KIF2A: variants seen among roughly 807,000 people sequenced by gnomAD.
KIF2A encodes the protein kinesin family member 2A, also known as kinesin-like protein KIF2A.
A neutral mutation model predicts 100.2 loss-of-function variants in KIF2A; 22 were observed. That is an observed-to-expected ratio of 0.22 (90% confidence interval 0.16 to 0.31). The LOEUF (loss-of-function observed/expected upper bound fraction) is 0.31. Ranked by LOEUF, KIF2A falls within the 10% of genes least tolerant of loss-of-function variation. The probability of loss-of-function intolerance (pLI) is 1.00; values close to 1 mark genes in which losing one functional copy is unlikely to be tolerated. For synonymous variants in KIF2A, 268 were observed against 285.9 expected, an observed-to-expected ratio of 0.94 and a Z score of 0.63; for missense variants, 495 against 898.7, an observed-to-expected ratio of 0.55 and a Z score of 5.74.
At chr5:62,375,815 A>G (rs1439595679) in intron 18 of KIF2A, among the ~76,000 whole-genome samples, 3 of 152,242 alleles carry the variant, frequency 2.0e-5, no homozygotes, top group African/African-American at 7.2e-5. Flanking sequence ...GGGTAGAGCC[A>G]GGAATGCTGC....
rs1032321691 is a variant in KIF2A, at chr5:62,310,274, G to A, written c.64+3738G>A. Among the ~76,000 whole-genome samples, 75 of 151,820 alleles carry A rather than the reference G, an allele frequency of 4.9e-4. 1 individual carries two copies. The highest frequency in any genetic ancestry group is 1.7e-3 in the African/African-American group (71 of 41,378). On this transcript the variant is annotated intron_variant, in intron 1 of 20. Coordinates refer to ENST00000407818, the MANE Select transcript of KIF2A (RefSeq NM_001098511.3). ...TTGCCACGTTGGCCAGGCTGGTCTCGAACTCCTGGCCTCAAGTGATCCACC... is the reference window on the plus strand; with the variant it reads ...TTGCCACGTTGGCCAGGCTGGTCTCAAACTCCTGGCCTCAAGTGATCCACC...
chr5:62,381,354 A>G (rs913790335), intron 20 of KIF2A, 101 bp downstream of exon 20: 5 of 902,356 alleles, frequency 5.5e-6, no homozygotes, highest in Non-Finnish European at 8.6e-6. Context: ...CGAAGTGAAA[A>G]TTAGGGGCAC....
At position 62,363,734 on chromosome 5, in the gene KIF2A, G is replaced by T. The variant is rs1359776180; in HGVS notation, c.1302G>T (p.Arg434=). ...CATCTGCAAATGCACATTCATCTCG[G>T]AGCCATGCAGTGTTTCAGATTATTC... ...GQTSANAHSS[R]SHAVFQIILR... Residue 434 remains arginine (R), a synonymous_variant, in exon 14 of 21, where the codon CGG becomes CGT. Coordinates refer to ENST00000407818, the MANE Select transcript of KIF2A (RefSeq NM_001098511.3). 6.2e-7 allele frequency: 1 copy of T among 1,613,798 alleles called. No individual in the cohort carries two copies. Among genetic ancestry groups the T allele is most frequent in the Non-Finnish European group, 8.5e-7 (1 of 1,179,824 alleles).
intron 7 of KIF2A, among the ~76,000 whole-genome samples, chr5:62,356,829 A>T (rs1265737101): frequency 6.9e-6 from 1 of 144,824 alleles, no homozygotes; most frequent in Non-Finnish European, 1.5e-5. Flanking sequence ...TCTGTTGCCC[A>T]GGCTGAGGTG....
At chr5:62,347,802 T>C (rs143466487) in intron 2 of KIF2A, among the ~76,000 whole-genome samples, 139 of 152,118 alleles carry the variant, frequency 9.1e-4, no homozygotes, top group African/African-American at 3.1e-3. Context: ...TTTTGTATTT[T>C]TTGTAGAGAT....
chr5:62,307,925 C>T (rs1280708917), intron 1 of KIF2A, among the ~76,000 whole-genome samples: 2 of 152,110 alleles, frequency 1.3e-5, no homozygotes, highest in Non-Finnish European at 2.9e-5. Context: ...GCCTCGATTC[C>T]TTTTATGAGT....
intron 1 of KIF2A, among the ~76,000 whole-genome samples, chr5:62,331,762 G>GAAA (rs11418837): frequency 1.5e-4 from 22 of 142,626 alleles, no homozygotes; most frequent in Non-Finnish European, 2.0e-4. Context: ...AAATAGAAAC[G>GAAA]AAAAAAAAAA....
intron 1 of KIF2A, among the ~76,000 whole-genome samples, chr5:62,343,157 A>G (rs895297817): frequency 2.0e-5 from 3 of 152,154 alleles, no homozygotes; most frequent in African/African-American, 7.2e-5. Context: ...GAGGACTCCA[A>G]ATGACACATA....
intron 1 of KIF2A, among the ~76,000 whole-genome samples, chr5:62,314,825 C>T (rs1224286737): frequency 2.1e-5 from 3 of 140,182 alleles, no homozygotes; most frequent in Non-Finnish European, 4.6e-5. Context: ...TGCAGTGGCA[C>T]GATCTTGGCT....
rs573905196 is a variant in KIF2A, at chr5:62,341,823, C to G, written c.65-5307C>G. Among the ~76,000 whole-genome samples the G allele has an allele frequency of 1.4e-4, 21 of 152,208 alleles. No homozygotes were observed. In the South Asian group the frequency reaches 3.5e-3, roughly 26 times the overall value. On this transcript the variant is annotated intron_variant, in intron 1 of 20. Transcript: ENST00000407818. ...ATAAGAATGGTTGTGTTGGTCTTGC[C>G]TTTTGGAATATCCACATATTTTTCC...
chr5:62,374,795 C>T (rs1237994761), intron 18 of KIF2A, among the ~76,000 whole-genome samples: 2 of 152,120 alleles, frequency 1.3e-5, no homozygotes, highest in Non-Finnish European at 2.9e-5. Flanking sequence ...AGCATGGTGG[C>T]ACACGCCTGT....
chr5:62,364,479 G>T (rs74288901), intron 14 of KIF2A, among the ~76,000 whole-genome samples: 8,506 of 152,154 alleles, frequency 0.056, 323 homozygotes, highest in East Asian at 0.14. Context: ...TTTCTAGGAG[G>T]AGGGCAACGA....
At position 62,389,453 on chromosome 5, in the gene KIF2A, T is replaced by C. The variant is rs1020840863; in HGVS notation, c.*3884T>C. ...GTGAGCTGAGATTGTGCCACTGGAG[T>C]CCAGCCTGGGTGACAGAGCAAGACT... is the stretch of plus-strand genomic sequence containing the variant. On this transcript the variant is annotated 3_prime_UTR_variant, in exon 21 of 21. Coordinates refer to ENST00000407818, the MANE Select transcript of KIF2A (RefSeq NM_001098511.3). 1.6e-5 allele frequency among the ~76,000 whole-genome samples: 2 copies of C among 126,832 alleles called. No homozygotes were observed. Among genetic ancestry groups the C allele is most frequent in the Non-Finnish European group, 3.1e-5 (2 of 64,022 alleles). The allele number at this position is 126,832 out of a possible 152,430, so 83.2% of individuals were successfully genotyped here. A position where few individuals can be genotyped will look rare whatever the true frequency, so the allele number is the denominator to read the frequency against.
intron 12 of KIF2A, 48 bp from the exon 13 acceptor site, chr5:62,363,130 T>C (rs779189892): frequency 5.0e-5 from 75 of 1,505,394 alleles, no homozygotes; most frequent in Non-Finnish European, 6.6e-5. Context: ...ACCTAGCCTG[T>C]TTTTTACTTT....
chr5:62,313,092 G>A (rs778218441), intron 1 of KIF2A, among the ~76,000 whole-genome samples: 1 of 151,940 alleles, frequency 6.6e-6, no homozygotes, highest in Non-Finnish European at 1.5e-5. Context: ...AGGTGTTGGA[G>A]ATACAAAAAA....
chr5:62,359,519 T>G (rs1748283756), intron 9 of KIF2A, among the ~76,000 whole-genome samples: 1 of 152,144 alleles, frequency 6.6e-6, no homozygotes, highest in Non-Finnish European at 1.5e-5. Flanking sequence ...TTGTGAAGAA[T>G]ATGTTTAAAG....
chr5:62,358,539 C>CAT (rs1445153522), intron 9 of KIF2A, among the ~76,000 whole-genome samples: 2 of 152,012 alleles, frequency 1.3e-5, no homozygotes, highest in African/African-American at 2.4e-5. Context: ...CATATATATA[C>CAT]ATATATATAC....
At chr5:62,341,306 AT>A (rs200726866) in intron 1 of KIF2A, among the ~76,000 whole-genome samples, 188 of 145,128 alleles carry the variant, frequency 1.3e-3, no homozygotes, top group Middle Eastern at 3.6e-3. Context: ...TGTCTCCTTG[AT>A]TTTTTTTTTT....
chr5:62,374,816 A>C (rs1472313559), intron 18 of KIF2A, among the ~76,000 whole-genome samples: 1 of 152,078 alleles, frequency 6.6e-6, no homozygotes, highest in Non-Finnish European at 1.5e-5. Flanking sequence ...AGTCCCAGCT[A>C]CTCAGGAGGC....
Sources: allele counts gnomAD v4.1 joint callset (sites outside exome capture counted in the v4.1 genomes callset), GRCh38; gene constraint gnomAD v4.1.1; transcripts MANE v1.5; gene names NCBI Gene and HGNC (gene_info 2026-07-23, HGNC 2026-07-21).